DZIP1L: variants seen among roughly 807,000 people sequenced by gnomAD.
The protein encoded by DZIP1L is DAZ interacting zinc finger protein 1 like.
DZIP1L carries 90 observed loss-of-function variants against 88.7 expected under a neutral mutation model. The ratio of observed to expected loss-of-function variants is 1.02; its 90% CI spans 0.86 to 1.21. DZIP1L has a LOEUF of 1.21. Among genes scored for constraint, DZIP1L ranks in the 50% most tolerant of loss-of-function variants. The pLI, the probability that DZIP1L is intolerant of heterozygous loss-of-function variation, is 0.00. For synonymous variants in DZIP1L, 363 were observed against 372.1 expected, an observed-to-expected ratio of 0.98 and a Z score of 0.28; for missense variants, 932 against 955.8, an observed-to-expected ratio of 0.98 and a Z score of 0.33.
chr3:138,095,507 G>A (rs958998006), intron 3 of DZIP1L, among the ~76,000 whole-genome samples: 5 of 152,092 alleles, frequency 3.3e-5, no homozygotes, highest in African/African-American at 9.7e-5. Flanking sequence ...CAGGCCGGGC[G>A]CAGTGGCTCA....
chr3:138,081,608 T>A (rs1262711972), intron 9 of DZIP1L, 126 bp downstream of exon 9: 1 of 945,328 alleles, frequency 1.1e-6, no homozygotes, highest in Non-Finnish European at 1.6e-6. Context: ...AGCCTGACAC[T>A]ACATGTCCAC....
At chr3:138,085,064 C>T (rs1195334198) in intron 7 of DZIP1L, among the ~76,000 whole-genome samples, 2 of 152,158 alleles carry the variant, frequency 1.3e-5, no homozygotes, top group Non-Finnish European at 2.9e-5. Context: ...AGTCAGGTAG[C>T]GTGATGCCTC....
chr3:138,110,454 T>C (rs1354375982), intron 1 of DZIP1L, among the ~76,000 whole-genome samples: 2 of 151,304 alleles, frequency 1.3e-5, no homozygotes, highest in Non-Finnish European at 3.0e-5. Context: ...AGTATAATAA[T>C]AAAAAAAAAC....
intron 7 of DZIP1L, 138 bp downstream of exon 7, chr3:138,086,823 G>A: frequency 1.2e-6 from 1 of 867,250 alleles, no homozygotes; most frequent in Non-Finnish European, 1.8e-6. Context: ...ACAGTAGCCA[G>A]GAGCAATATC....
intron 2 of DZIP1L, chr3:138,101,584 C>T (rs2042313843): frequency 1.2e-6 from 1 of 805,542 alleles, no homozygotes; most frequent in Non-Finnish European, 2.2e-6. Context: ...GCTGAAGGAG[C>T]TGGAGCCTGC....
intron 14 of DZIP1L, 90 bp downstream of exon 14, chr3:138,067,441 T>G (rs1347271015): frequency 1.4e-6 from 2 of 1,422,962 alleles, no homozygotes; most frequent in Non-Finnish European, 1.9e-6. Flanking sequence ...TAAAGGAAGC[T>G]AAAGGGTGTT....
rs1942761380 is a variant in DZIP1L, at chr3:138,063,084, T to A, written c.2143-107A>T. ...AATGCAGAATGGAAATGGGGACAAA[T>A]GCAGACTGGGAAGAAAGCAATAGGG... On this transcript the variant is annotated intron_variant, in intron 15 of 15. Coordinates refer to ENST00000327532, the MANE Select transcript of DZIP1L (RefSeq NM_173543.3). The surrounding 1 kb of genome is among the most constrained non-coding windows in gnomAD (Gnocchi z 4.1). 14 of 1,235,304 alleles carry A rather than the reference T, an allele frequency of 1.1e-5. No individual in the cohort carries two copies. The highest frequency in any genetic ancestry group is 1.6e-5 in the Non-Finnish European group (14 of 882,048). The allele number at this position is 1,235,304 out of a possible 1,614,324, so 76.5% of individuals were successfully genotyped here.
chr3:138,115,256 G>C (rs329386), intron 1 of DZIP1L, 72 bp downstream of exon 1: 8,927 of 152,336 alleles, frequency 0.059, 373 homozygotes, highest in Middle Eastern at 0.13. Context: ...CCCTCGGACT[G>C]CAGCCAAGCT....
In DZIP1L at chr3:138,107,198, C is replaced by T. The variant is rs536488571; in HGVS notation, c.-81-3146G>A. ...AGGTCATATGTTGAAAACTCAATCCCCAATGCAGCAGTGTTGAGAGATGGG... is the reference window on the plus strand; with the variant it reads ...AGGTCATATGTTGAAAACTCAATCCTCAATGCAGCAGTGTTGAGAGATGGG... On this transcript the variant is annotated intron_variant, in intron 1 of 15. Coordinates refer to ENST00000327532, the MANE Select transcript of DZIP1L (RefSeq NM_173543.3). Among the ~76,000 whole-genome samples the T allele has an allele frequency of 1.5e-4, 23 of 152,314 alleles. 1 individual carries two copies. The South Asian group carries it at 4.8e-3, about 32-fold the overall frequency.
At chr3:138,089,126 G>T (rs1944089138) in intron 5 of DZIP1L, 1 of 985,424 alleles carries the variant, frequency 1.0e-6, no homozygotes. Context: ...CTATCTGTAT[G>T]ACTGTATAAA....
chr3:138,071,521 C>G, intron 12 of DZIP1L, 122 bp downstream of exon 12: 1 of 1,126,248 alleles, frequency 8.9e-7, no homozygotes, highest in Non-Finnish European at 1.2e-6. Context: ...ACCAGCTCAG[C>G]CCTTCAGAGA....
At chr3:138,097,173 C>T (rs1944515605) in intron 3 of DZIP1L, among the ~76,000 whole-genome samples, 1 of 150,396 alleles carries the variant, frequency 6.6e-6, no homozygotes, top group South Asian at 2.1e-4. Context: ...CAGAGTGAGA[C>T]CCTGTCTCAA....
At chr3:138,072,127 G>A (rs1943210287) in intron 11 of DZIP1L, among the ~76,000 whole-genome samples, 1 of 152,190 alleles carries the variant, frequency 6.6e-6, no homozygotes, top group Non-Finnish European at 1.5e-5. Flanking sequence ...GACTTCGTTG[G>A]AACATGCTTT....
In DZIP1L at chr3:138,064,699, C is replaced by A. The variant is rs751691591; in HGVS notation, c.2071G>T (p.Gly691Ter). The A allele has an allele frequency of 6.2e-7, 1 of 1,612,500 alleles. No homozygotes were observed. Among genetic ancestry groups the A allele is most frequent in the South Asian group, 1.1e-5 (1 of 90,794 alleles). The change falls in exon 15 of 16, where the codon GGA becomes TGA. Residue 691 changes from glycine to a stop codon, truncating the protein, a stop_gained. Coordinates refer to ENST00000327532, the MANE Select transcript of DZIP1L (RefSeq NM_173543.3). LOFTEE classifies it high-confidence loss of function. Reference sequence around the variant, plus strand: ...GGCATAAAAAACAGACTGACCCCTCCAGCAGGCTTCTTTGCTGGAGCTTCT... The same window carrying A: ...GGCATAAAAAACAGACTGACCCCTCAAGCAGGCTTCTTTGCTGGAGCTTCT... ...QLEAPAKKPA[G>*]GVSLFFMPNA...
At chr3:138,069,616 C>G (rs1014848030) in intron 12 of DZIP1L, among the ~76,000 whole-genome samples, 3 of 152,186 alleles carry the variant, frequency 2.0e-5, no homozygotes, top group Non-Finnish European at 4.4e-5. Flanking sequence ...GTACCAGATA[C>G]TAAGAAAAGC....
At position 138,063,647 on chromosome 3, in the gene DZIP1L, A is replaced by G. The variant is rs329389; in HGVS notation, c.2143-670T>C. Among the ~76,000 whole-genome samples, 124,846 of 152,252 alleles carry G rather than the reference A, an allele frequency of 0.82. 51,541 individuals carry two copies. The highest frequency in any genetic ancestry group is 0.89 in the Middle Eastern group (262 of 294). ...TATGCATCTTCTCCAGGAATGTAAG[A>G]CCGACCAATCAGAACCCATGCAGGG... On this transcript the variant is annotated intron_variant, in intron 15 of 15. Coordinates refer to ENST00000327532, the MANE Select transcript of DZIP1L (RefSeq NM_173543.3). The surrounding 1 kb of genome is among the most constrained non-coding windows in gnomAD (Gnocchi z 4.1).
At chr3:138,080,275 C>A (rs752344519) in intron 10 of DZIP1L, 1 of 283,270 alleles carries the variant, frequency 3.5e-6, no homozygotes, top group Non-Finnish European at 6.9e-6. Context: ...GTGAATCAGA[C>A]GTCCCTCCAA....
At position 138,077,537 on chromosome 3, in the gene DZIP1L, T is replaced by C. The variant is rs568852386; in HGVS notation, c.1384A>G (p.Thr462Ala). Reference sequence around the variant, plus strand: ...ATGCTTTCGAGCTTCTCTTCCAGGGTGTCCTCCAGGATTGGTCTGAAGTGC... The same window carrying C: ...ATGCTTTCGAGCTTCTCTTCCAGGGCGTCCTCCAGGATTGGTCTGAAGTGC... Reference protein sequence around the residue: ...LKHFRPILEDTLEEKLESMGI... With the variant: ...LKHFRPILEDALEEKLESMGI... Residue 462 changes from threonine to alanine, a missense_variant, in exon 11 of 16, where the codon ACC (threonine) becomes GCC (alanine). Transcript: ENST00000327532. 5.7e-5 allele frequency: 92 copies of C among 1,614,222 alleles called. No homozygotes were observed. The South Asian group carries it at 8.8e-4, about 15-fold the overall frequency.
chr3:138,106,020 CAT>C (rs1159310152), intron 1 of DZIP1L, among the ~76,000 whole-genome samples: 1 of 147,350 alleles, frequency 6.8e-6, no homozygotes, highest in Non-Finnish European at 1.5e-5. Flanking sequence ...TAAAATAAAA[CAT>C]AGAATTTCAG....
Sources: gnomAD v4.1 joint callset for allele counts (sites outside exome capture counted in the v4.1 genomes callset) on GRCh38, gnomAD v4.1.1 for gene constraint, Gnocchi (gnomAD v3.1) non-coding constraint, MANE v1.5 for transcripts, NCBI Gene and HGNC (gene_info 2026-07-23, HGNC 2026-07-21) for gene names.